CHRNA2: variants seen among roughly 807,000 people sequenced by gnomAD.
CHRNA2 encodes the protein neuronal acetylcholine receptor subunit alpha-2.
In CHRNA2, 40 loss-of-function variants were observed where a neutral mutation model predicts 45.5. The ratio of observed to expected loss-of-function variants is 0.88; its 90% CI spans 0.68 to 1.15. The LOEUF is 1.15. CHRNA2 is among the 50% of genes most tolerant of loss of function. The pLI is 0.00. For synonymous variants in CHRNA2, 301 were observed against 296.7 expected (o/e 1.01, Z -0.15); for missense variants, 655 against 701.7 (o/e 0.93, Z 0.75).
Position 27,469,328 on chromosome 8 carries a change from C to G in CHRNA2, c.339+7G>C. 1 of 1,554,394 alleles carries G rather than the reference C, an allele frequency of 6.4e-7. No individual in the cohort carries two copies. Among genetic ancestry groups the G allele is most frequent in the African/African-American group, 1.4e-5 (1 of 73,222 alleles). On this transcript the variant is annotated splice_region_variant and intron_variant, in intron 4 of 6. Transcript: ENST00000407991. ...CGCCACCTGGACTGGAGGAGGGGGG[C>G]CCTCACCTGTTTTAGCCAGACGTTG...
At chr8:27,473,733 C>T (rs1365562322) in intron 1 of CHRNA2, among the ~76,000 whole-genome samples, 1 of 152,074 alleles carries the variant, frequency 6.6e-6, no homozygotes, top group African/African-American at 2.4e-5. Flanking sequence ...TAAAAGTAAA[C>T]CACCGGGTAT....
At chr8:27,466,090 G>T (rs2322581) in intron 5 of CHRNA2, among the ~76,000 whole-genome samples, 103,433 of 152,090 alleles carry the variant, frequency 0.68, 38,730 homozygotes, top group South Asian at 0.84. Context: ...GATACGACAG[G>T]GTGGGGAGTT....
intron 5 of CHRNA2, among the ~76,000 whole-genome samples, chr8:27,464,685 T>C (rs6981168): frequency 0.82 from 124,796 of 152,062 alleles, 51,546 homozygotes; most frequent in Middle Eastern, 0.93. Flanking sequence ...GATGAGTCGG[T>C]CCCTTAGGAG....
Position 27,467,243 on chromosome 8 carries a change from A to C in CHRNA2, c.435T>G (p.Ile145Met). The change falls in exon 5 of 7, where the codon ATT becomes ATG. Residue 145 changes from isoleucine to methionine, a missense_variant. Ile to Met is a conservative substitution (Grantham distance 10). This residue lies in a region of CHRNA2 where 323 missense variants were observed against 354.4 expected (regional missense o/e 0.91). Coordinates refer to ENST00000407991, the MANE Select transcript of CHRNA2 (RefSeq NM_000742.4). ...VPSEMIWIPD[I>M]VLYNNADGEF... ...TGGCTTCCTACTTGTTGTAGAGAAC[A>C]ATGTCGGGGATCCAGATCATCTCAG... is the stretch of plus-strand genomic sequence containing the variant. 1 of 1,613,520 alleles carries C rather than the reference A, an allele frequency of 6.2e-7. No homozygotes were observed. Among genetic ancestry groups the C allele is most frequent in the Non-Finnish European group, 8.5e-7 (1 of 1,179,420 alleles).
At chr8:27,465,226 G>A (rs1247870780) in intron 5 of CHRNA2, among the ~76,000 whole-genome samples, 1 of 152,120 alleles carries the variant, frequency 6.6e-6, no homozygotes, top group Non-Finnish European at 1.5e-5. Flanking sequence ...ATTCCACCAG[G>A]AGGTGGCTCG....
rs77769511 is a variant in CHRNA2, at chr8:27,463,666, G to A, written c.777C>T (p.Phe259=). The A allele has an allele frequency of 5.0e-5, 80 of 1,614,048 alleles. No individual in the cohort carries two copies. Among genetic ancestry groups the A allele is most frequent in the East Asian group, 1.3e-4 (6 of 44,884 alleles). ...AEIYPDVTYA[F]VIRRLPLFYT... is the part of the protein sequence containing the mutation. ...AGAAGAGCGGCAGCCGCCGGATGAC[G>A]AAGGCGTAGGTGACGTCGGGGTAGA... Residue 259 remains phenylalanine (F), a synonymous_variant, in exon 6 of 7, where the codon TTC becomes TTT. Transcript: ENST00000407991. This position sits in a 1 kb window ranked among gnomAD's most constrained non-coding sequence, Gnocchi z 6.1.
intron 1 of CHRNA2, chr8:27,475,163 G>C (rs529754816): frequency 3.0e-4 from 45 of 152,296 alleles, no homozygotes; most frequent in African/African-American, 1.1e-3. Context: ...AGCAATACCT[G>C]TGATGTGTTT....
chr8:27,474,861 A>T (rs1813013332), intron 1 of CHRNA2, among the ~76,000 whole-genome samples: 1 of 152,234 alleles, frequency 6.6e-6, no homozygotes, highest in Admixed American at 6.5e-5. Context: ...CGCAGTGGCA[A>T]GGTCTGGGAT....
At chr8:27,474,321 C>T (rs1465948801) in intron 1 of CHRNA2, among the ~76,000 whole-genome samples, 2 of 152,188 alleles carry the variant, frequency 1.3e-5, no homozygotes, top group African/African-American at 2.4e-5. Flanking sequence ...TCAATTTCCC[C>T]AGAAGGTTTC....
chr8:27,465,779 G>C (rs1375972788), intron 5 of CHRNA2, among the ~76,000 whole-genome samples: 4 of 152,090 alleles, frequency 2.6e-5, no homozygotes, highest in Non-Finnish European at 4.4e-5. Context: ...ATGACCACTA[G>C]ATGGCAACAT....
At chr8:27,478,235 A>G (rs1163577230) in intron 1 of CHRNA2, among the ~76,000 whole-genome samples, 1 of 152,216 alleles carries the variant, frequency 6.6e-6, no homozygotes, top group Non-Finnish European at 1.5e-5. Context: ...TCTTCCAAAT[A>G]AATGCACTCA....
intron 5 of CHRNA2, among the ~76,000 whole-genome samples, chr8:27,465,873 C>T (rs1280435002): frequency 2.6e-5 from 4 of 152,084 alleles, no homozygotes; most frequent in East Asian, 1.9e-4. Context: ...GGAGGGGATC[C>T]ATCTCTAAAT....
intron 6 of CHRNA2, among the ~76,000 whole-genome samples, chr8:27,462,512 T>A (rs1812527403): frequency 6.6e-6 from 1 of 151,550 alleles, no homozygotes; most frequent in African/African-American, 2.4e-5. Context: ...GGTTGAAGAG[T>A]GAAGTTTGCA....
Position 27,463,349 on chromosome 8 carries a change from C to T in CHRNA2, c.1094G>A (p.Trp365Ter), listed in dbSNP as rs2132651723. 5 of 1,613,938 alleles carry T rather than the reference C, an allele frequency of 3.1e-6. No homozygotes were observed. In the East Asian group the frequency reaches 1.1e-4, roughly 36 times the overall value. ...RSPSTHTMPH[W>*]VRGALLGCVP... ...ACAGCCCAGAAGGGCCCCCCGCACC[C>T]AGTGGGGCATGGTGTGGGTGCTGGG... Residue 365 changes from tryptophan (W) to a stop codon, truncating the protein, a stop_gained, in exon 6 of 7, where the codon TGG (tryptophan) becomes TAG (stop). Transcript: ENST00000407991. LOFTEE classifies it high-confidence loss of function. The surrounding 1 kb of genome is among the most constrained non-coding windows in gnomAD (Gnocchi z 6.1).
In CHRNA2 at chr8:27,463,170, A is replaced by G. The variant is rs1179640861; in HGVS notation, c.1273T>C (p.Cys425Arg). The stretch of plus-strand genomic sequence containing the variant: ...ACAGAGGGGGCCACATGACCTGCAC[A>G]TGCCCATCTGTCCTCCTCCTCCACC... ...VVVEEEDRWACAGHVAPSVGT... is the reference protein window; with the variant it reads ...VVVEEEDRWARAGHVAPSVGT... The change falls in exon 6 of 7, where the codon TGT becomes CGT. Residue 425 changes from cysteine to arginine, a missense_variant. This residue lies in a region of CHRNA2 where 295 missense variants were observed against 280.4 expected (regional missense o/e 1.05). Coordinates refer to ENST00000407991, the MANE Select transcript of CHRNA2 (RefSeq NM_000742.4). This position sits in a 1 kb window ranked among gnomAD's most constrained non-coding sequence, Gnocchi z 6.1. 6.3e-7 allele frequency: 1 copy of G among 1,597,912 alleles called. No homozygotes were observed. The highest frequency in any genetic ancestry group is 1.3e-5 in the African/African-American group (1 of 74,814).
At chr8:27,469,120 A>G (rs1812787863) in intron 4 of CHRNA2, among the ~76,000 whole-genome samples, 1 of 152,160 alleles carries the variant, frequency 6.6e-6, no homozygotes, top group African/African-American at 2.4e-5. Context: ...GCCTGAGGCT[A>G]TGTTCTCAGG....
In CHRNA2 at chr8:27,461,449, C is replaced by T; in HGVS notation, c.*180G>A. 1.2e-6 allele frequency: 1 copy of T among 835,104 alleles called. No individual in the cohort carries two copies. The allele number at this position is 835,104 out of a possible 1,614,324, so 51.7% of individuals were successfully genotyped here. On this transcript the variant is annotated 3_prime_UTR_variant, in exon 7 of 7. Coordinates refer to ENST00000407991, the MANE Select transcript of CHRNA2 (RefSeq NM_000742.4). ...AAAACAGGGCTTTGCACCCAGCAGG[C>T]TGTCAGCCCTGGTACAATAACGTTA...
intron 1 of CHRNA2, among the ~76,000 whole-genome samples, chr8:27,478,482 C>T (rs1377630174): frequency 6.6e-6 from 1 of 152,240 alleles, no homozygotes; most frequent in South Asian, 2.1e-4. Flanking sequence ...TGTCTTTTAG[C>T]CCTTTTAAAG....
At chr8:27,465,719 G>A (rs1462951212) in intron 5 of CHRNA2, among the ~76,000 whole-genome samples, 2 of 152,116 alleles carry the variant, frequency 1.3e-5, no homozygotes, top group Non-Finnish European at 2.9e-5. Flanking sequence ...GTGAGCCACC[G>A]CGCCCAGGCA....
Sources: gnomAD v4.1 joint callset for allele counts (sites outside exome capture counted in the v4.1 genomes callset) on GRCh38, gnomAD v4.1.1 for gene constraint, gnomAD v4.1.1 regional missense constraint, Gnocchi (gnomAD v3.1) non-coding constraint, MANE v1.5 for transcripts, NCBI Gene and HGNC (gene_info 2026-07-23, HGNC 2026-07-21) for gene names.